Variants in PID1 observed in about 807,000 individuals in gnomAD.
PID1 encodes phosphotyrosine interaction domain containing 1.
PID1 carries 10 observed loss-of-function variants against 19.1 expected under a neutral mutation model. The observed-to-expected ratio is 0.52, with a 90% confidence interval of 0.32 to 0.89. The LOEUF (loss-of-function observed/expected upper bound fraction) is 0.89, where lower values mean the gene tolerates loss of function less well. PID1 is among the 40% of genes least tolerant of loss of function. The pLI is 0.03. For missense variants in PID1, 248 were observed against 285.3 expected, an observed-to-expected ratio of 0.87 and a Z score of 0.94; for synonymous variants, 130 against 116.0, an observed-to-expected ratio of 1.12 and a Z score of -0.78.
intron 1 of PID1, among the ~76,000 whole-genome samples, chr2:229,242,956 G>C (rs766231328): frequency 9.9e-5 from 15 of 151,990 alleles, no homozygotes; most frequent in Admixed American, 8.5e-4. Flanking sequence ...CTATGCCTAG[G>C]GTAATCTTCT....
chr2:229,102,639 T>G (rs1695096638), intron 2 of PID1, among the ~76,000 whole-genome samples: 1 of 152,190 alleles, frequency 6.6e-6, no homozygotes, highest in Non-Finnish European at 1.5e-5. Context: ...GTTGTTCTTA[T>G]CACAGAGTGA....
intron 1 of PID1, among the ~76,000 whole-genome samples, chr2:229,194,444 T>A (rs558211930): frequency 1.5e-4 from 23 of 151,888 alleles, no homozygotes; most frequent in Admixed American, 7.2e-4. Flanking sequence ...TAAAAAAAAA[T>A]AAAAATCATT....
chr2:229,056,612 A>AT (rs375335991), intron 2 of PID1, among the ~76,000 whole-genome samples: 125 of 148,200 alleles, frequency 8.4e-4, no homozygotes, highest in East Asian at 7.9e-4. Flanking sequence ...AAATAAAAAT[A>AT]ATATATATAT....
At chr2:229,248,822 T>A (rs2106282131) in intron 1 of PID1, among the ~76,000 whole-genome samples, 1 of 152,346 alleles carries the variant, frequency 6.6e-6, no homozygotes, top group South Asian at 2.1e-4. Context: ...GTGTACTAAA[T>A]TTGTCCAATG....
chr2:229,131,156 C>T (rs557102550), intron 2 of PID1, among the ~76,000 whole-genome samples: 1 of 152,240 alleles, frequency 6.6e-6, no homozygotes, highest in African/African-American at 2.4e-5. Context: ...ACGATACAGC[C>T]TATAACATCG....
At chr2:229,219,841 T>C (rs552534806) in intron 1 of PID1, among the ~76,000 whole-genome samples, 1 of 151,726 alleles carries the variant, frequency 6.6e-6, no homozygotes, top group Admixed American at 6.6e-5. Context: ...TATTTTTATT[T>C]TTTTTTTGTC....
At chr2:229,160,688 G>T (rs1214053401) in intron 1 of PID1, among the ~76,000 whole-genome samples, 3 of 152,140 alleles carry the variant, frequency 2.0e-5, no homozygotes, top group Non-Finnish European at 4.4e-5. Context: ...GCTAGAGAGA[G>T]ACTAAGAAAA....
At chr2:229,129,452 T>A (rs1454121874) in intron 2 of PID1, among the ~76,000 whole-genome samples, 1 of 151,886 alleles carries the variant, frequency 6.6e-6, no homozygotes, top group Non-Finnish European at 1.5e-5. Context: ...GCTCATTTAT[T>A]GCAAATTCCA....
intron 1 of PID1, among the ~76,000 whole-genome samples, chr2:229,193,039 T>C (rs1691296405): frequency 6.6e-6 from 1 of 152,324 alleles, no homozygotes; most frequent in South Asian, 2.1e-4. Flanking sequence ...GTATAATAAA[T>C]TACTCCAACA....
chr2:229,094,815 C>T (rs80296857), intron 2 of PID1, among the ~76,000 whole-genome samples: 9,993 of 151,668 alleles, frequency 0.066, 563 homozygotes, highest in Admixed American at 0.18. Context: ...CTGACAAAGG[C>T]CTAATATCTA....
intron 1 of PID1, among the ~76,000 whole-genome samples, chr2:229,210,524 T>TAAA (rs1404822914): frequency 9.8e-5 from 1 of 10,166 alleles, no homozygotes; most frequent in Non-Finnish European, 1.8e-4. Context: ...GAGTTTTGTC[T>TAAA]CAAAAAAAAA....
rs141268788 is a variant in PID1 at position 229,027,779 on chromosome 2, G to A, written c.178-1671C>T. On this transcript the variant is annotated intron_variant, in intron 2 of 2. Transcript: ENST00000392055. The stretch of plus-strand genomic sequence containing the variant: ...TGCTAACCTGAGCACACGTAAAGCG[G>A]TAGCCTAAGACAGCCCTGGAGCAGA... Among the ~76,000 whole-genome samples, 171 of 152,312 alleles carry A rather than the reference G, an allele frequency of 1.1e-3. 1 individual carries two copies. The highest frequency in any genetic ancestry group is 3.8e-3 in the African/African-American group (157 of 41,574).
intron 1 of PID1, among the ~76,000 whole-genome samples, chr2:229,182,957 C>T (rs991611007): frequency 6.6e-6 from 1 of 152,196 alleles, no homozygotes; most frequent in Non-Finnish European, 1.5e-5. Context: ...TCATTCTCAG[C>T]TGAGGGCTTT....
chr2:229,083,184 T>C (rs1694701292), intron 2 of PID1, among the ~76,000 whole-genome samples: 2 of 152,184 alleles, frequency 1.3e-5, no homozygotes, highest in East Asian at 3.9e-4. Context: ...ATGGCCCAAC[T>C]GAACACCTTA....
chr2:229,168,416 C>T (rs1281796794), intron 1 of PID1, among the ~76,000 whole-genome samples: 2 of 152,024 alleles, frequency 1.3e-5, no homozygotes, highest in South Asian at 2.1e-4. Context: ...TTCAAGTTTA[C>T]TTATTTTTCC....
At position 229,184,276 on chromosome 2, in the gene PID1, CATATATATATCCCAT is replaced by C. The variant is rs1691038138; in HGVS notation, c.31-28327_31-28313del. Among the ~76,000 whole-genome samples, 16 of 334 alleles carry C rather than the reference CATATATATATCCCAT, an allele frequency of 0.048. 6 individuals are homozygous for C. In the South Asian group the frequency reaches 0.62, roughly 13 times the overall value. The allele number at this position is 334 out of a possible 152,430, so 0.2% of individuals were successfully genotyped here. On this transcript the variant is annotated intron_variant, in intron 1 of 2. Transcript: ENST00000392055. ...GTATATATCCCATATGTATATATCC[CATATATATATCCCAT>C]ATATATATCCCATGTATATATATCC... is the stretch of plus-strand genomic sequence containing the variant.
intron 1 of PID1, among the ~76,000 whole-genome samples, chr2:229,160,786 G>T (rs1192648204): frequency 6.6e-6 from 1 of 152,120 alleles, no homozygotes; most frequent in African/African-American, 2.4e-5. Flanking sequence ...AAAGATGATG[G>T]TTAAAGAGGG....
At chr2:229,158,869 A>T (rs1690435398) in intron 1 of PID1, among the ~76,000 whole-genome samples, 1 of 152,172 alleles carries the variant, frequency 6.6e-6, no homozygotes, top group Non-Finnish European at 1.5e-5. Flanking sequence ...TGTGGGATCT[A>T]AAAATAAAAA....
At chr2:229,046,133 G>C (rs946301444) in intron 2 of PID1, among the ~76,000 whole-genome samples, 2 of 152,110 alleles carry the variant, frequency 1.3e-5, no homozygotes, top group African/African-American at 2.4e-5. Context: ...TGGGAACCAT[G>C]CTGCAATAAG....
Sources: gnomAD v4.1 joint callset for allele counts (sites outside exome capture counted in the v4.1 genomes callset) on GRCh38, gnomAD v4.1.1 for gene constraint, MANE v1.5 for transcripts, NCBI Gene and HGNC (gene_info 2026-07-23, HGNC 2026-07-21) for gene names.